TET2: variants seen among roughly 807,000 people sequenced by gnomAD.
TET2 encodes the protein methylcytosine dioxygenase TET2.
Under a neutral mutation model 142.9 loss-of-function variants are expected in TET2, and 299 were observed. The observed-to-expected ratio is 2.09, with a 90% CI of 1.90 to 2.30. TET2 has a LOEUF of 2.30. TET2 is among the 30% of genes most tolerant of loss of function. TET2 has a pLI of 0.00. For missense variants in TET2, 2,418 were observed against 2,378.0 expected (o/e 1.02, Z -0.35); for synonymous variants, 819 against 849.0 (o/e 0.96, Z 0.61).
intron 2 of TET2, among the ~76,000 whole-genome samples, chr4:105,231,855 A>ATCT (rs1344975033): frequency 6.6e-6 from 1 of 152,284 alleles, no homozygotes. Context: ...GGACTCTGAA[A>ATCT]TCTTCGTTAG....
At chr4:105,242,985 T>C in intron 5 of TET2, 58 bp downstream of exon 5, 1 of 1,405,662 alleles carries the variant, frequency 7.1e-7, no homozygotes, top group Non-Finnish European at 9.8e-7. Context: ...GATTTGTAAA[T>C]CTGACCCTGA....
At chr4:105,196,746 A>G (rs780795825) in intron 2 of TET2, among the ~76,000 whole-genome samples, 15 of 152,090 alleles carry the variant, frequency 9.9e-5, no homozygotes, top group Admixed American at 2.6e-4. Context: ...TACTGTAGTC[A>G]TTTGTTTATG....
intron 2 of TET2, among the ~76,000 whole-genome samples, chr4:105,220,488 G>A (rs1473624235): frequency 2.6e-5 from 4 of 152,082 alleles, no homozygotes; most frequent in African/African-American, 9.7e-5. Flanking sequence ...CTTAAACACT[G>A]GCTCCAACCC....
In TET2 at chr4:105,235,659, C is replaced by G. The variant is rs1728822943; in HGVS notation, c.1717C>G (p.His573Asp). The change falls in exon 3 of 11, where the codon CAC (histidine) becomes GAC (aspartate). Residue 573 changes from histidine to aspartate, a missense_variant. Physicochemically the swap from His to Asp is moderately conservative, Grantham distance 81 (BLOSUM62 -1). Transcript: ENST00000380013. The part of the protein sequence containing the change: ...GWIELKAPRF[H>D]QAESHLKRNE... ...GATTGAATTGAAGGCCCCTCGTTTT[C>G]ACCAAGCGGAATCCCATCTAAAACG... The G allele has an allele frequency of 6.2e-7, 1 of 1,614,018 alleles. No individual in the cohort carries two copies. Among genetic ancestry groups the G allele is most frequent in the Non-Finnish European group, 8.5e-7 (1 of 1,180,006 alleles).
At chr4:105,267,581 A>G (rs1160293896) in intron 8 of TET2, among the ~76,000 whole-genome samples, 1 of 151,512 alleles carries the variant, frequency 6.6e-6, no homozygotes, top group East Asian at 1.9e-4. Context: ...GCCAGTAAAG[A>G]CAGAAAAATG....
At chr4:105,197,405 ATT>A (rs1160574338) in intron 2 of TET2, among the ~76,000 whole-genome samples, 2 of 152,224 alleles carry the variant, frequency 1.3e-5, no homozygotes, top group African/African-American at 4.8e-5. Flanking sequence ...TTTATCATTG[ATT>A]ATAGATTTTC....
intron 6 of TET2, among the ~76,000 whole-genome samples, chr4:105,246,600 A>C (rs902180913): frequency 1.3e-5 from 2 of 152,270 alleles, no homozygotes; most frequent in African/African-American, 4.8e-5. Flanking sequence ...ATCCAATGTC[A>C]ATACAGACTT....
chr4:105,178,537 C>T (rs909602361), intron 1 of TET2, among the ~76,000 whole-genome samples: 1 of 152,100 alleles, frequency 6.6e-6, no homozygotes, highest in Non-Finnish European at 1.5e-5. Flanking sequence ...GATGTAACCA[C>T]CAATAGTGAA....
chr4:105,190,696 C>T (rs1725734912), intron 2 of TET2, 191 bp downstream of exon 2: 2 of 515,884 alleles, frequency 3.9e-6, no homozygotes, highest in Admixed American at 3.6e-5. Context: ...TGTGTACTGA[C>T]TTATGTATAG....
chr4:105,151,148 A>G (rs1214167062), intron 1 of TET2, among the ~76,000 whole-genome samples: 2 of 151,204 alleles, frequency 1.3e-5, no homozygotes, highest in Non-Finnish European at 3.0e-5. Context: ...GTCAGGCCCC[A>G]GTCTCTACAA....
At chr4:105,272,481 C>A in intron 9 of TET2, 83 bp from the exon 10 acceptor site, 1 of 929,638 alleles carries the variant, frequency 1.1e-6, no homozygotes, top group Non-Finnish European at 1.6e-6. Context: ...AATCTGAATA[C>A]TGAGAGGAGA....
At position 105,237,050 on chromosome 4, in the gene TET2, C is replaced by T. The variant is rs771702867; in HGVS notation, c.3108C>T (p.His1036=). The T allele has an allele frequency of 7.4e-5, 120 of 1,614,024 alleles. No homozygotes were observed. Among genetic ancestry groups the T allele is most frequent in the Non-Finnish European group, 9.7e-5 (114 of 1,180,016 alleles). ...TGGAGCAGCATCTGAAGCAGTTTCA[C>T]GCCAAGTCGTTATTTGACCATAAGG... ...ETMEQHLKQF[H]AKSLFDHKAL... Residue 1036 remains histidine (H), a synonymous_variant, in exon 3 of 11, where the codon CAC becomes CAT. Transcript: ENST00000380013.
chr4:105,166,855 CTATT>C (rs1724179905), intron 1 of TET2, among the ~76,000 whole-genome samples: 1 of 151,922 alleles, frequency 6.6e-6, no homozygotes, highest in African/African-American at 2.4e-5. Flanking sequence ...ACTTTTTTCC[CTATT>C]CATATGTTTA....
At chr4:105,164,600 A>G (rs1724056340) in intron 1 of TET2, among the ~76,000 whole-genome samples, 1 of 152,224 alleles carries the variant, frequency 6.6e-6, no homozygotes, top group Non-Finnish European at 1.5e-5. Flanking sequence ...GAAATAATCA[A>G]TGCTTTGATC....
intron 2 of TET2, among the ~76,000 whole-genome samples, chr4:105,213,766 G>C (rs139255556): frequency 1.5e-4 from 23 of 152,266 alleles, no homozygotes; most frequent in Non-Finnish European, 2.4e-4. Flanking sequence ...TTCTAAATTA[G>C]ATAAAAGCTC....
At chr4:105,211,543 A>G (rs1727161454) in intron 2 of TET2, among the ~76,000 whole-genome samples, 1 of 152,188 alleles carries the variant, frequency 6.6e-6, no homozygotes, top group Non-Finnish European at 1.5e-5. Flanking sequence ...AGAAGGAGCA[A>G]TGAGAGATAG....
At position 105,275,327 on chromosome 4, in the gene TET2, G is replaced by A. The variant is rs587778702; in HGVS notation, c.4817G>A (p.Gly1606Asp). Reference protein sequence around the residue: ...NFYSTSSQAAGSYLNSSNPMN... With the variant: ...NFYSTSSQAADSYLNSSNPMN... ...TATTCCACCTCATCTCAAGCTGCAG[G>A]TTCATATTTGAATTCTTCTAATCCC... Residue 1606 changes from glycine (G) to aspartate (D), a missense_variant, in exon 11 of 11, where the codon GGT becomes GAT. Coordinates refer to ENST00000380013, the MANE Select transcript of TET2 (RefSeq NM_001127208.3). 5 of 1,551,698 alleles carry A rather than the reference G, an allele frequency of 3.2e-6. No homozygotes were observed. The highest frequency in any genetic ancestry group is 4.4e-6 in the Non-Finnish European group (5 of 1,147,008).
chr4:105,276,820 G>C lies in TET2; in HGVS notation c.*301G>C. 3.7e-6 allele frequency: 1 copy of C among 273,166 alleles called. No homozygotes were observed. The highest frequency in any genetic ancestry group is 7.0e-6 in the Non-Finnish European group (1 of 143,580). 16.9% of individuals were successfully genotyped at this position (273,166 alleles called of 1,614,324 possible). A position where few individuals can be genotyped will look rare whatever the true frequency, so the allele number is the denominator to read the frequency against. ...AAACACTGGTTCTATTATTGGACGA[G>C]ATGATATGTAAATGTGATCCCCCCC... On this transcript the variant is annotated 3_prime_UTR_variant, in exon 11 of 11. Coordinates refer to ENST00000380013, the MANE Select transcript of TET2 (RefSeq NM_001127208.3).
At position 105,278,984 on chromosome 4, in the gene TET2, T is replaced by G. The variant is rs1731341590; in HGVS notation, c.*2465T>G. ...CATTTTTGCTTACTAGTATTTAAAA[T>G]AAATTCTTAATCAGAGGAGGCCTTT... On this transcript the variant is annotated 3_prime_UTR_variant, in exon 11 of 11. Coordinates refer to ENST00000380013, the MANE Select transcript of TET2 (RefSeq NM_001127208.3). 1 of 232,830 alleles carries G rather than the reference T, an allele frequency of 4.3e-6. No homozygotes were observed. Among genetic ancestry groups the G allele is most frequent in the South Asian group, 1.8e-4 (1 of 5,524 alleles). 14.4% of individuals were successfully genotyped at this position (232,830 alleles called of 1,614,324 possible). A position where few individuals can be genotyped will look rare whatever the true frequency, so the allele number is the denominator to read the frequency against.
Sources: gnomAD v4.1 joint callset for allele counts (sites outside exome capture counted in the v4.1 genomes callset) on GRCh38, gnomAD v4.1.1 for gene constraint, MANE v1.5 for transcripts, NCBI Gene and HGNC (gene_info 2026-07-23, HGNC 2026-07-21) for gene names.